The following NDST4 variants were observed in gnomAD, a reference collection of about 807,000 sequenced individuals.
The protein encoded by NDST4 is N-heparan sulfate sulfotransferase 4.
A neutral mutation model predicts 100.8 loss-of-function variants in NDST4; 63 were observed. That is an observed-to-expected ratio of 0.62 (90% confidence interval 0.51 to 0.77). NDST4 has a LOEUF of 0.77. NDST4 is among the 30% of genes least tolerant of loss of function. NDST4 has a pLI of 0.00. For synonymous variants in NDST4, 377 were observed against 361.8 expected (o/e 1.04, Z -0.48); for missense variants, 943 against 1,018.4 (o/e 0.93, Z 1.01).
intron 6 of NDST4, among the ~76,000 whole-genome samples, chr4:114,899,641 T>C (rs138430816): frequency 6.6e-6 from 1 of 152,182 alleles, no homozygotes; most frequent in South Asian, 2.1e-4. Context: ...ATGGATCACA[T>C]TAATCAGTTT....
intron 2 of NDST4, among the ~76,000 whole-genome samples, chr4:114,986,113 A>T (rs279510): frequency 0.32 from 48,154 of 152,088 alleles, 7,687 homozygotes; most frequent in South Asian, 0.47. Flanking sequence ...TACTGATTAA[A>T]CATACTGGCA....
chr4:114,965,158 T>C (rs890535173), intron 4 of NDST4, among the ~76,000 whole-genome samples: 1 of 152,116 alleles, frequency 6.6e-6, no homozygotes, highest in African/African-American at 2.4e-5. Flanking sequence ...AAATACCCTA[T>C]AAGTTATTAT....
intron 6 of NDST4, among the ~76,000 whole-genome samples, chr4:114,885,161 T>C (rs564371793): frequency 7.9e-5 from 12 of 152,248 alleles, no homozygotes; most frequent in African/African-American, 2.6e-4. Context: ...CAACAGGCTA[T>C]ATTTTTAAAT....
chr4:114,852,255 A>T (rs56705443), intron 8 of NDST4, among the ~76,000 whole-genome samples: 3,073 of 152,270 alleles, frequency 0.02, 133 homozygotes, highest in South Asian at 0.18. Context: ...TTAATTTTTT[A>T]AAAGGAATCA....
intron 9 of NDST4, among the ~76,000 whole-genome samples, chr4:114,847,173 G>A (rs1020390224): frequency 1.5e-5 from 2 of 131,196 alleles, no homozygotes; most frequent in African/African-American, 4.1e-5. Flanking sequence ...TCAGGAGATC[G>A]AGACCATCCC....
chr4:114,976,388 G>C (rs1294060832), intron 3 of NDST4, among the ~76,000 whole-genome samples: 1 of 151,930 alleles, frequency 6.6e-6, no homozygotes, highest in Non-Finnish European at 1.5e-5. Flanking sequence ...ACATAGTTTA[G>C]TACTCTTTTT....
At chr4:114,941,802 C>T (rs1200391659) in intron 4 of NDST4, among the ~76,000 whole-genome samples, 2 of 152,074 alleles carry the variant, frequency 1.3e-5, no homozygotes, top group Non-Finnish European at 2.9e-5. Context: ...ATGAGTCCTT[C>T]CAAAGATTTT....
chr4:114,840,727 A>T (rs1298681492), intron 10 of NDST4, among the ~76,000 whole-genome samples: 2 of 152,212 alleles, frequency 1.3e-5, no homozygotes, highest in Non-Finnish European at 2.9e-5. Context: ...GTGAATTTGA[A>T]GAAATTCTAG....
intron 6 of NDST4, among the ~76,000 whole-genome samples, chr4:114,928,114 A>G (rs1420759127): frequency 1.3e-5 from 2 of 152,224 alleles, no homozygotes; most frequent in East Asian, 3.9e-4. Context: ...AATAATTTTA[A>G]TCTTCATATT....
chr4:114,858,156 A>G (rs1035600009), intron 7 of NDST4, among the ~76,000 whole-genome samples: 1 of 152,188 alleles, frequency 6.6e-6, no homozygotes, highest in Non-Finnish European at 1.5e-5. Flanking sequence ...CTGACCTGAC[A>G]GTAACAGCAA....
chr4:114,945,208 CAAAAAAAAAA>C (rs1173970826), intron 4 of NDST4, among the ~76,000 whole-genome samples: 13 of 53,788 alleles, frequency 2.4e-4, no homozygotes, highest in Non-Finnish European at 3.7e-4. Flanking sequence ...AACTCCGTCT[CAAAAAAAAAA>C]AAAAAAAAAA....
chr4:115,023,026 G>A (rs917576558), intron 2 of NDST4, among the ~76,000 whole-genome samples: 8 of 152,262 alleles, frequency 5.3e-5, no homozygotes, highest in African/African-American at 1.9e-4. Context: ...TCATAAGCGC[G>A]AGCTAAGCTA....
chr4:114,953,366 C>T (rs1433257714), intron 4 of NDST4, among the ~76,000 whole-genome samples: 2 of 151,944 alleles, frequency 1.3e-5, no homozygotes, highest in Non-Finnish European at 2.9e-5. Context: ...GAGAATCTGG[C>T]TACTAGAATC....
In NDST4 at chr4:115,033,151, ATATATAT is replaced by A. The variant is rs199834105; in HGVS notation, c.978+42901_978+42907del. On this transcript the variant is annotated intron_variant, in intron 2 of 13. Coordinates refer to ENST00000264363, the MANE Select transcript of NDST4 (RefSeq NM_022569.3). ...TATGTGTATATATATATATATATATATATATATTTTTTTTTTTTTTGAAACAGGGTCT... is the reference window on the plus strand; with the variant it reads ...TATGTGTATATATATATATATATATATTTTTTTTTTTTTGAAACAGGGTCT... Among the ~76,000 whole-genome samples, 699 of 97,050 alleles carry A rather than the reference ATATATAT, an allele frequency of 7.2e-3. 7 individuals carry two copies. Among genetic ancestry groups the A allele is most frequent in the East Asian group, 0.044 (101 of 2,310 alleles). The allele number at this position is 97,050 out of a possible 152,430, so 63.7% of individuals were successfully genotyped here. A position where few individuals can be genotyped will look rare whatever the true frequency, so the allele number is the denominator to read the frequency against.
At chr4:114,997,132 A>G (rs1451189588) in intron 2 of NDST4, among the ~76,000 whole-genome samples, 1 of 151,996 alleles carries the variant, frequency 6.6e-6, no homozygotes, top group Non-Finnish European at 1.5e-5. Context: ...TGCCAATATG[A>G]TTCATTTTCT....
intron 2 of NDST4, among the ~76,000 whole-genome samples, chr4:115,036,428 T>C (rs1480785128): frequency 6.6e-6 from 1 of 151,160 alleles, no homozygotes; most frequent in East Asian, 1.9e-4. Flanking sequence ...TGTGCATATA[T>C]GTATATGTTA....
chr4:114,856,714 T>C lies in NDST4; in HGVS notation c.1720-3893A>G, dbSNP rs1445571007. Among the ~76,000 whole-genome samples the C allele has an allele frequency of 2.6e-5, 4 of 152,192 alleles. No homozygotes were observed. In the South Asian group the frequency reaches 8.3e-4, roughly 31 times the overall value. ...GCATTCTGCAGAACCTAACACTGGC[T>C]CACTATATTGTTGACATGATATTTG... On this transcript the variant is annotated intron_variant, in intron 7 of 13. Transcript: ENST00000264363.
chr4:114,999,199 T>A (rs190517091), intron 2 of NDST4, among the ~76,000 whole-genome samples: 70 of 152,170 alleles, frequency 4.6e-4, no homozygotes, highest in Middle Eastern at 3.4e-3. Flanking sequence ...AGGTTTGGCT[T>A]CCATAGGAAT....
intron 7 of NDST4, among the ~76,000 whole-genome samples, chr4:114,865,808 T>A (rs1489131451): frequency 2.0e-5 from 3 of 152,188 alleles, no homozygotes; most frequent in Non-Finnish European, 4.4e-5. Flanking sequence ...TAAGTCATCA[T>A]TTTTGGATGT....
Sources: gnomAD v4.1 joint callset for allele counts (sites outside exome capture counted in the v4.1 genomes callset) on GRCh38, gnomAD v4.1.1 for gene constraint, MANE v1.5 for transcripts, NCBI Gene and HGNC (gene_info 2026-07-23, HGNC 2026-07-21) for gene names.